PRAM1: variants seen among roughly 807,000 people sequenced by gnomAD.
PRAM1 encodes PML-RARA regulated adaptor molecule 1, also known as PML-RARA-regulated adapter molecule 1.
Under a neutral mutation model 55.3 loss-of-function variants are expected in PRAM1, and 41 were observed. The observed-to-expected ratio is 0.74, with a 90% CI of 0.58 to 0.96. PRAM1 has a LOEUF of 0.96. Among genes scored for constraint, PRAM1 ranks in the 40% least tolerant of loss-of-function variants. The probability of loss-of-function intolerance (pLI) is 0.00; values close to 1 mark genes in which losing one functional copy is unlikely to be tolerated. For missense variants in PRAM1, 898 were observed against 892.7 expected (o/e 1.01, Z -0.08); for synonymous variants, 401 against 387.1 (o/e 1.04, Z -0.42).
chr19:8,498,558 C>T lies in PRAM1; in HGVS notation c.1250G>A (p.Arg417His), dbSNP rs1207884758. The change falls in exon 2 of 10, where the codon CGC (arginine) becomes CAC (histidine). Residue 417 changes from arginine to histidine, a missense_variant. Arg to His is a conservative substitution (Grantham distance 29, BLOSUM62 0). Transcript: ENST00000423345. ...GTGAACCAGGCCTCCTGACCTCCAG[C>T]GGGGTGTCCCAGCCGCTCCAAACCC... Reference protein sequence around the residue: ...SPGFGAAGTPRWRSGGLVHSG... With the variant: ...SPGFGAAGTPHWRSGGLVHSG... 2.5e-6 allele frequency: 4 copies of T among 1,611,358 alleles called. No homozygotes were observed. The highest frequency in any genetic ancestry group is 1.3e-5 in the African/African-American group (1 of 74,890).
At position 8,498,575 on chromosome 19, in the gene PRAM1, T is replaced by C. The variant is rs1163094283; in HGVS notation, c.1233A>G (p.Gly411=). ...SSRHPLSPGF[G]AAGTPRWRSG... ...ACCTCCAGCGGGGTGTCCCAGCCGC[T>C]CCAAACCCAGGGCTGAGCGGGTGCC... Residue 411 remains glycine (G), a synonymous_variant, in exon 2 of 10, where the codon GGA becomes GGG. Transcript: ENST00000423345. The C allele has an allele frequency of 6.2e-7, 1 of 1,612,498 alleles. No individual in the cohort carries two copies. Among genetic ancestry groups the C allele is most frequent in the Admixed American group, 1.7e-5 (1 of 59,990 alleles).
At chr19:8,496,106 C>T (rs557173044) in intron 4 of PRAM1, 11 of 456,098 alleles carry the variant, frequency 2.4e-5, no homozygotes, top group Admixed American at 4.7e-5. Flanking sequence ...CCTCAGCTAC[C>T]TTGAACACAA....
In PRAM1 at chr19:8,502,599, G is replaced by A; in HGVS notation, c.-8C>T. 6.4e-7 allele frequency: 1 copy of A among 1,550,950 alleles called. No individual in the cohort carries two copies. The highest frequency in any genetic ancestry group is 8.7e-7 in the Non-Finnish European group (1 of 1,148,688). ...AGGCAGGTGATGGGCCATGGGATGA[G>A]TGGGACCCGAGCTGGGGCCGCTGCC... is the stretch of plus-strand genomic sequence containing the variant. On this transcript the variant is annotated 5_prime_UTR_variant, in exon 1 of 10. Coordinates refer to ENST00000423345, the MANE Select transcript of PRAM1 (RefSeq NM_032152.5).
At position 8,499,167 on chromosome 19, in the gene PRAM1, T is replaced by C. The variant is rs1210445735; in HGVS notation, c.641A>G (p.Lys214Arg). The change falls in exon 2 of 10, where the codon AAG becomes AGG. Residue 214 changes from lysine to arginine, a missense_variant. Physicochemically the swap from Lys to Arg is conservative, Grantham distance 26. Transcript: ENST00000423345. ...SPQPELSTFP[K>R]KPAQPEFNVY... The stretch of plus-strand genomic sequence containing the variant: ...GTTGAACTCAGGCTGCGCAGGCTTC[T>C]TGGGAAAGGTACTCAACTCAGGCTG... 1 of 1,613,174 alleles carries C rather than the reference T, an allele frequency of 6.2e-7. No homozygotes were observed. The highest frequency in any genetic ancestry group is 1.1e-5 in the South Asian group (1 of 91,058).
At position 8,490,249 on chromosome 19, in the gene PRAM1, A is replaced by G; in HGVS notation, c.1976-23T>C. ...GATCTGCCGAGGAAGCGTGACTTCC[A>G]TGGACCCCTCTCCCCAGAAGCCCAA... is the stretch of plus-strand genomic sequence containing the variant. On this transcript the variant is annotated intron_variant, in intron 9 of 9. Coordinates refer to ENST00000423345, the MANE Select transcript of PRAM1 (RefSeq NM_032152.5). The surrounding 1 kb of genome is among the most constrained non-coding windows in gnomAD (Gnocchi z 7.3). 2.5e-6 allele frequency: 4 copies of G among 1,610,232 alleles called. No homozygotes were observed. Among genetic ancestry groups the G allele is most frequent in the Non-Finnish European group, 3.4e-6 (4 of 1,177,684 alleles).
rs550932795 is a variant in PRAM1 at position 8,496,404 on chromosome 19, G to T, written c.1576+1360C>A. 4.6e-5 allele frequency among the ~76,000 whole-genome samples: 7 copies of T among 151,832 alleles called. No individual in the cohort carries two copies. In the East Asian group the frequency reaches 1.4e-3, roughly 29 times the overall value. Reference sequence around the variant, plus strand: ...ACTCCAGCCTGGGCGATAACAGAGCGAGACTGTGTCTCCAAAAAAATAAAA... The same window carrying T: ...ACTCCAGCCTGGGCGATAACAGAGCTAGACTGTGTCTCCAAAAAAATAAAA... On this transcript the variant is annotated intron_variant, in intron 4 of 9. Coordinates refer to ENST00000423345, the MANE Select transcript of PRAM1 (RefSeq NM_032152.5).
chr19:8,490,481 C>T lies in PRAM1; in HGVS notation c.1935G>A (p.Leu645=). 6.2e-7 allele frequency: 1 copy of T among 1,612,788 alleles called. No homozygotes were observed. The highest frequency in any genetic ancestry group is 8.5e-7 in the Non-Finnish European group (1 of 1,179,518). The part of the protein sequence containing the change: ...KYGYVPRTAL[L]PLETEVYDDV... ...CGGTCAGGGCTGGCACTCACAGGGGCAGGAGCGCTGTTCTGGGCACGTAGC... is the reference window on the plus strand; with the variant it reads ...CGGTCAGGGCTGGCACTCACAGGGGTAGGAGCGCTGTTCTGGGCACGTAGC... Residue 645 remains leucine, a synonymous_variant, in exon 8 of 10, where the codon CTG becomes CTA. Coordinates refer to ENST00000423345, the MANE Select transcript of PRAM1 (RefSeq NM_032152.5). The surrounding 1 kb of genome is among the most constrained non-coding windows in gnomAD (Gnocchi z 7.3).
At chr19:8,500,894 T>C (rs1256767043) in intron 1 of PRAM1, among the ~76,000 whole-genome samples, 1 of 152,068 alleles carries the variant, frequency 6.6e-6, no homozygotes, top group African/African-American at 2.4e-5. Context: ...GCCGCCCAAG[T>C]AGCTGGGATT....
chr19:8,490,453 C>T lies in PRAM1; in HGVS notation c.1940+23G>A, dbSNP rs776228636. ...GCACCACACACCCCGCACTCCCCCA[C>T]CACGGTCAGGGCTGGCACTCACAGG... On this transcript the variant is annotated intron_variant, in intron 8 of 9. Transcript: ENST00000423345. The surrounding 1 kb of genome is among the most constrained non-coding windows in gnomAD (Gnocchi z 7.3). The T allele has an allele frequency of 3.1e-6, 5 of 1,613,132 alleles. No homozygotes were observed.
At position 8,490,125 on chromosome 19, in the gene PRAM1, T is replaced by C. The variant is rs1971587258; in HGVS notation, c.*64A>G. 1 of 1,436,750 alleles carries C rather than the reference T, an allele frequency of 7.0e-7. No individual in the cohort carries two copies. Among genetic ancestry groups the C allele is most frequent in the African/African-American group, 1.4e-5 (1 of 69,914 alleles). The allele number at this position is 1,436,750 out of a possible 1,614,324, so 89.0% of individuals were successfully genotyped here. ...GCTCTGTGACTTTCCCGCGCCGGGA[T>C]CCAGGGCTCCTGGGTGAGCGGGCGC... On this transcript the variant is annotated 3_prime_UTR_variant, in exon 10 of 10. Transcript: ENST00000423345. This position sits in a 1 kb window ranked among gnomAD's most constrained non-coding sequence, Gnocchi z 7.3.
In PRAM1 at chr19:8,493,980, T is replaced by C. The variant is rs1322852795; in HGVS notation, c.1577-2823A>G. Among the ~76,000 whole-genome samples the C allele has an allele frequency of 6.6e-6, 1 of 152,098 alleles. No homozygotes were observed. Among genetic ancestry groups the C allele is most frequent in the Non-Finnish European group, 1.5e-5 (1 of 68,012 alleles). On this transcript the variant is annotated intron_variant, in intron 4 of 9. Coordinates refer to ENST00000423345, the MANE Select transcript of PRAM1 (RefSeq NM_032152.5). This position sits in a 1 kb window ranked among gnomAD's most constrained non-coding sequence, Gnocchi z 4.1. ...GTCCAACTAATTTTTGTATTTTTAGTAGAGACGGGGTTTCACCATGTTGGC... is the reference window on the plus strand; with the variant it reads ...GTCCAACTAATTTTTGTATTTTTAGCAGAGACGGGGTTTCACCATGTTGGC...
rs749555329 is a variant in PRAM1, at chr19:8,493,754, C to T, written c.1577-2597G>A. On this transcript the variant is annotated intron_variant, in intron 4 of 9. Transcript: ENST00000423345. The surrounding 1 kb of genome is among the most constrained non-coding windows in gnomAD (Gnocchi z 4.1). Reference sequence around the variant, plus strand: ...AGCTGCACCCACAGTGAGAAGCCCACGCCACTCCTGAGAAGCGGGAGATCC... The same window carrying T: ...AGCTGCACCCACAGTGAGAAGCCCATGCCACTCCTGAGAAGCGGGAGATCC... 1.2e-4 allele frequency among the ~76,000 whole-genome samples: 19 copies of T among 152,116 alleles called. No individual in the cohort carries two copies. Among genetic ancestry groups the T allele is most frequent in the Admixed American group, 2.6e-4 (4 of 15,276 alleles).
At chr19:8,500,263 G>T (rs368204913) in intron 1 of PRAM1, among the ~76,000 whole-genome samples, 1 of 151,816 alleles carries the variant, frequency 6.6e-6, no homozygotes, top group East Asian at 2.0e-4. Context: ...TTGAGCCGCC[G>T]CGCCCAGGCC....
At chr19:8,500,271 G>GCCCCCAGT (rs1971788652) in intron 1 of PRAM1, among the ~76,000 whole-genome samples, 1 of 151,440 alleles carries the variant, frequency 6.6e-6, no homozygotes, top group Admixed American at 6.6e-5. Context: ...CCGCGCCCAG[G>GCCCCCAGT]CCCCCAGTCC....
In PRAM1 at chr19:8,497,783, G is replaced by A; in HGVS notation, c.1557C>T (p.Ser519=). The change falls in exon 4 of 10, where the codon AGC becomes AGT. Residue 519 remains serine (S), a synonymous_variant. Transcript: ENST00000423345. ...YDDVEPRDDS[S]PSPKGRDEAP... is the part of the protein sequence containing the mutation. ...ACAAACCTCTGCCCTTGGGGCTGGGGCTGGAGTCATCTCTGGGTTCCACAT... is the reference window on the plus strand; with the variant it reads ...ACAAACCTCTGCCCTTGGGGCTGGGACTGGAGTCATCTCTGGGTTCCACAT... 1.9e-6 allele frequency: 3 copies of A among 1,612,390 alleles called. No individual in the cohort carries two copies. Among genetic ancestry groups the A allele is most frequent in the Non-Finnish European group, 2.5e-6 (3 of 1,179,474 alleles).
chr19:8,499,829 G>A (rs1166136544), intron 1 of PRAM1, 49 bp from the exon 2 acceptor site: 6 of 1,474,290 alleles, frequency 4.1e-6, no homozygotes, highest in Non-Finnish European at 5.5e-6. Flanking sequence ...CACAGAAGGG[G>A]CATGGAAGGA....
intron 1 of PRAM1, 105 bp from the exon 2 acceptor site, chr19:8,499,885 G>T: frequency 2.0e-6 from 2 of 978,012 alleles, no homozygotes; most frequent in Non-Finnish European, 2.9e-6. Flanking sequence ...CCACCCCTGC[G>T]CCCAGGCCCG....
chr19:8,501,601 C>T (rs1412105234), intron 1 of PRAM1, among the ~76,000 whole-genome samples: 1 of 139,444 alleles, frequency 7.2e-6, no homozygotes. Context: ...TCATTGCTGT[C>T]TTCCCAGGGC....
chr19:8,497,080 A>G (rs919317528), intron 4 of PRAM1, among the ~76,000 whole-genome samples: 1 of 151,686 alleles, frequency 6.6e-6, no homozygotes, highest in Non-Finnish European at 1.5e-5. Flanking sequence ...AATGAATGGA[A>G]CCTAACATCT....
Sources: gnomAD v4.1 joint callset for allele counts (sites outside exome capture counted in the v4.1 genomes callset) on GRCh38, gnomAD v4.1.1 for gene constraint, Gnocchi (gnomAD v3.1) non-coding constraint, MANE v1.5 for transcripts, NCBI Gene and HGNC (gene_info 2026-07-23, HGNC 2026-07-21) for gene names.